Variants in PPP1R9A observed in about 807,000 individuals in gnomAD.
PPP1R9A encodes the protein neurabin-1.
In PPP1R9A, 59 loss-of-function variants were observed where a neutral mutation model predicts 141.9. The ratio of observed to expected loss-of-function variants is 0.42; its 90% CI spans 0.34 to 0.52. The LOEUF (loss-of-function observed/expected upper bound fraction) is 0.52, where lower values mean the gene tolerates loss of function less well. Ranked by LOEUF, PPP1R9A falls within the 20% of genes least tolerant of loss-of-function variation. The probability of loss-of-function intolerance (pLI) is 0.10; values close to 1 mark genes in which losing one functional copy is unlikely to be tolerated. For synonymous variants in PPP1R9A, 500 were observed against 569.7 expected (o/e 0.88, Z 1.74); for missense variants, 1,444 against 1,611.9 (o/e 0.90, Z 1.78).
At chr7:95,008,037 G>A (rs1332893580) in intron 2 of PPP1R9A, among the ~76,000 whole-genome samples, 1 of 152,056 alleles carries the variant, frequency 6.6e-6, no homozygotes, top group East Asian at 1.9e-4. Context: ...ATGCCATTGC[G>A]CTTCAGCCTG....
chr7:95,004,667 A>T lies in PPP1R9A; in HGVS notation c.1395+93159A>T, dbSNP rs1053775230. Among the ~76,000 whole-genome samples, 6 of 152,178 alleles carry T rather than the reference A, an allele frequency of 3.9e-5. No individual in the cohort carries two copies. In the East Asian group the frequency reaches 7.7e-4, roughly 20 times the overall value. On this transcript the variant is annotated intron_variant, in intron 2 of 19. Transcript: ENST00000433360. ...CATGCATAGAATAAAAGCTTACTGG[A>T]TAGGCTCAATAATAGAATGGATATG...
Position 95,020,533 on chromosome 7 carries a change from A to G in PPP1R9A, c.1396-90726A>G, listed in dbSNP as rs1231344554. On this transcript the variant is annotated intron_variant, in intron 2 of 19. Transcript: ENST00000433360. ...ACGTGCAGGTTTGTTACATAGGTAT[A>G]CATGTGCCATGGTGGTTTGCTGCAC... Among the ~76,000 whole-genome samples, 3 of 152,242 alleles carry G rather than the reference A, an allele frequency of 2.0e-5. No individual in the cohort carries two copies. In the South Asian group the frequency reaches 6.2e-4, roughly 32 times the overall value.
rs1795021750 is a variant in PPP1R9A at position 94,938,659 on chromosome 7, G to T, written c.1395+27151G>T. On this transcript the variant is annotated intron_variant, in intron 2 of 19. Coordinates refer to ENST00000433360, the MANE Select transcript of PPP1R9A (RefSeq NM_001166160.2). ...AATTGAATGATTATGCTGTTGAAAA[G>T]ATCAGAAATGGTCCTGGCTCTCATC... Among the ~76,000 whole-genome samples, 3 of 152,180 alleles carry T rather than the reference G, an allele frequency of 2.0e-5. No homozygotes were observed. The South Asian group carries it at 6.2e-4, about 32-fold the overall frequency.
intron 5 of PPP1R9A, among the ~76,000 whole-genome samples, chr7:95,188,924 G>A (rs1256971106): frequency 6.6e-6 from 1 of 152,024 alleles, no homozygotes; most frequent in African/African-American, 2.4e-5. Flanking sequence ...ATGCTTCAAG[G>A]AGGTTCAATT....
intron 4 of PPP1R9A, among the ~76,000 whole-genome samples, chr7:95,130,821 G>A (rs912761045): frequency 6.6e-6 from 1 of 152,172 alleles, no homozygotes; most frequent in African/African-American, 2.4e-5. Flanking sequence ...CTTGCATGGG[G>A]ACTGTAGCCT....
At chr7:95,203,420 G>A (rs1790009629) in intron 6 of PPP1R9A, among the ~76,000 whole-genome samples, 1 of 152,144 alleles carries the variant, frequency 6.6e-6, no homozygotes, top group Admixed American at 6.5e-5. Context: ...ACAAGAGAAT[G>A]CAATTATTAT....
rs1791448045 is a variant in PPP1R9A at position 94,911,515 on chromosome 7, G to A, written c.1395+7G>A. On this transcript the variant is annotated splice_region_variant and intron_variant, in intron 2 of 19. Coordinates refer to ENST00000433360, the MANE Select transcript of PPP1R9A (RefSeq NM_001166160.2). ...TAGTAGTGCTCCTATTAAGGTAAGT[G>A]TGTTTTCTCCATTTTGTTTTCTAAA... is the stretch of plus-strand genomic sequence containing the variant. 6.3e-7 allele frequency: 1 copy of A among 1,585,604 alleles called. No individual in the cohort carries two copies. The highest frequency in any genetic ancestry group is 8.6e-7 in the Non-Finnish European group (1 of 1,159,130).
intron 2 of PPP1R9A, among the ~76,000 whole-genome samples, chr7:95,089,992 C>G (rs1817125774): frequency 6.6e-6 from 1 of 151,830 alleles, no homozygotes; most frequent in Non-Finnish European, 1.5e-5. Flanking sequence ...AGCCAAATGT[C>G]TGAAAGAAGA....
chr7:95,192,721 C>T (rs1406285073), intron 5 of PPP1R9A, among the ~76,000 whole-genome samples: 1 of 152,002 alleles, frequency 6.6e-6, no homozygotes, highest in Admixed American at 6.6e-5. Flanking sequence ...GGATTTGTCC[C>T]ATCAAAGTTG....
chr7:94,945,699 A>T lies in PPP1R9A; in HGVS notation c.1395+34191A>T, dbSNP rs78943111. Reference sequence around the variant, plus strand: ...GGAAGAAAAGAATCAATAAAGATATAAACTTGTTTTGCTAAAACAATTTGA... The same window carrying T: ...GGAAGAAAAGAATCAATAAAGATATTAACTTGTTTTGCTAAAACAATTTGA... On this transcript the variant is annotated intron_variant, in intron 2 of 19. Transcript: ENST00000433360. Among the ~76,000 whole-genome samples the T allele has an allele frequency of 2.7e-4, 41 of 152,218 alleles. No homozygotes were observed. In the East Asian group the frequency reaches 7.1e-3, roughly 27 times the overall value.
At chr7:95,210,176 G>A (rs561167305) in intron 7 of PPP1R9A, among the ~76,000 whole-genome samples, 327 of 152,094 alleles carry the variant, frequency 2.1e-3, no homozygotes, top group Non-Finnish European at 2.1e-3. Context: ...TGTATTAAAT[G>A]GAATTGAATT....
chr7:95,074,658 G>C (rs1814568594), intron 2 of PPP1R9A, among the ~76,000 whole-genome samples: 1 of 151,856 alleles, frequency 6.6e-6, no homozygotes, highest in Admixed American at 6.6e-5. Flanking sequence ...ATTTTTAGTA[G>C]AGATGGGGTT....
intron 2 of PPP1R9A, among the ~76,000 whole-genome samples, chr7:95,020,875 T>C (rs572071405): frequency 1.3e-5 from 2 of 152,352 alleles, no homozygotes; most frequent in African/African-American, 4.8e-5. Flanking sequence ...AGTCTGTCAT[T>C]GCTGGGCATT....
At chr7:95,081,305 A>C (rs1161805506) in intron 2 of PPP1R9A, among the ~76,000 whole-genome samples, 1 of 152,214 alleles carries the variant, frequency 6.6e-6, no homozygotes, top group Non-Finnish European at 1.5e-5. Context: ...AAATCAATCA[A>C]AATTGACCCT....
intron 2 of PPP1R9A, among the ~76,000 whole-genome samples, chr7:95,037,707 G>T (rs778827993): frequency 6.6e-6 from 1 of 151,988 alleles, no homozygotes; most frequent in Non-Finnish European, 1.5e-5. Flanking sequence ...GTGCGTGCGC[G>T]CGTGTGTGTG....
At chr7:94,967,014 G>T (rs932752248) in intron 2 of PPP1R9A, among the ~76,000 whole-genome samples, 2 of 152,114 alleles carry the variant, frequency 1.3e-5, no homozygotes, top group African/African-American at 4.8e-5. Flanking sequence ...TCTATTCAGG[G>T]ATTCGAATTC....
At chr7:94,965,017 C>G (rs1798047991) in intron 2 of PPP1R9A, among the ~76,000 whole-genome samples, 2 of 152,178 alleles carry the variant, frequency 1.3e-5, no homozygotes, top group Non-Finnish European at 2.9e-5. Context: ...AATTGCCATT[C>G]TAACTAGCAT....
intron 2 of PPP1R9A, among the ~76,000 whole-genome samples, chr7:94,969,810 T>C (rs1798657761): frequency 1.3e-5 from 2 of 152,172 alleles, no homozygotes; most frequent in South Asian, 4.1e-4. Context: ...AGCCTCTGAC[T>C]GGGGCTGCTG....
At chr7:95,178,370 G>T (rs191224784) in intron 5 of PPP1R9A, among the ~76,000 whole-genome samples, 122 of 152,150 alleles carry the variant, frequency 8.0e-4, no homozygotes, top group South Asian at 1.7e-3. Flanking sequence ...AAACCTCAGG[G>T]ATACAGCAAA....
Sources: allele counts gnomAD v4.1 joint callset (sites outside exome capture counted in the v4.1 genomes callset), GRCh38; gene constraint gnomAD v4.1.1; transcripts MANE v1.5; gene names NCBI Gene and HGNC (gene_info 2026-07-23, HGNC 2026-07-21).